The following IFT80 variants were observed in gnomAD, a reference collection of about 807,000 sequenced individuals.
IFT80 encodes intraflagellar transport 80, also known as intraflagellar transport protein 80 homolog.
In IFT80, 79 loss-of-function variants were observed where a neutral mutation model predicts 107.9. The observed-to-expected ratio is 0.73, with a 90% CI of 0.61 to 0.88. The LOEUF is 0.88. Ranked by LOEUF, IFT80 falls within the 40% of genes least tolerant of loss-of-function variation. IFT80 has a pLI of 0.00. For missense variants in IFT80, 797 were observed against 914.2 expected (o/e 0.87, Z 1.65); for synonymous variants, 299 against 300.9 (o/e 0.99, Z 0.07).
chr3:160,363,265 T>C (rs1721629425), intron 6 of IFT80, among the ~76,000 whole-genome samples: 2 of 152,212 alleles, frequency 1.3e-5, no homozygotes, highest in African/African-American at 2.4e-5. Flanking sequence ...CCATTCACAA[T>C]TGCTACACAG....
In IFT80 at chr3:160,321,423, G is replaced by A. The variant is rs147582596; in HGVS notation, c.778-1484C>T. Among the ~76,000 whole-genome samples, 72 of 151,992 alleles carry A rather than the reference G, an allele frequency of 4.7e-4. 1 individual carries two copies. In the East Asian group the frequency reaches 0.013, roughly 27 times the overall value. The stretch of plus-strand genomic sequence containing the variant: ...TTTCTAAATCTAGTCTATCCTCATG[G>A]TGTAGAAGAAACAGAGATCTTAGTT... On this transcript the variant is annotated intron_variant, in intron 8 of 19. Transcript: ENST00000326448.
In IFT80 at chr3:160,328,393, C is replaced by T. The variant is rs140569299; in HGVS notation, c.778-8454G>A. Among the ~76,000 whole-genome samples the T allele has an allele frequency of 3.7e-3, 484 of 129,590 alleles. 1 individual carries two copies. The highest frequency in any genetic ancestry group is 5.5e-3 in the Non-Finnish European group (352 of 64,406). 85.0% of individuals were successfully genotyped at this position (129,590 alleles called of 152,430 possible). On this transcript the variant is annotated intron_variant, in intron 8 of 19. Coordinates refer to ENST00000326448, the MANE Select transcript of IFT80 (RefSeq NM_020800.3). ...AGGAGAATCACTTGAACCCACAAGG[C>T]GGAGGTTGCAGTGAGCAGAGATCGT...
intron 5 of IFT80, among the ~76,000 whole-genome samples, chr3:160,368,189 T>A (rs1251373596): frequency 6.6e-6 from 1 of 151,858 alleles, no homozygotes; most frequent in African/African-American, 2.4e-5. Flanking sequence ...CAACTGATGA[T>A]ATAATCAATA....
intron 8 of IFT80, among the ~76,000 whole-genome samples, chr3:160,346,391 T>C (rs975275830): frequency 3.9e-5 from 6 of 152,164 alleles, no homozygotes; most frequent in African/African-American, 1.4e-4. Flanking sequence ...TATTTGTCAA[T>C]TAACAATAAA....
intron 6 of IFT80, among the ~76,000 whole-genome samples, chr3:160,363,419 C>T (rs1576873511): frequency 1.3e-5 from 2 of 152,070 alleles, no homozygotes; most frequent in Non-Finnish European, 2.9e-5. Context: ...GAATCAGTAT[C>T]GTGAAAATGG....
intron 15 of IFT80, 33 bp downstream of exon 15, chr3:160,280,634 T>C: frequency 6.3e-7 from 1 of 1,580,106 alleles, no homozygotes; most frequent in Non-Finnish European, 8.7e-7. Flanking sequence ...TTTTATTTAC[T>C]ACAAAACAGA....
At position 160,358,323 on chromosome 3, in the gene IFT80, AT is replaced by A. The variant is rs886892149; in HGVS notation, c.550-746del. On this transcript the variant is annotated intron_variant, in intron 6 of 19. Transcript: ENST00000326448. ...CCACCATGTTCAGCCCCCCTCAACC[AT>A]TTTTTTTTTAAACTTCTGCACAAAC... Among the ~76,000 whole-genome samples, 982 of 147,068 alleles carry A rather than the reference AT, an allele frequency of 6.7e-3. 15 individuals carry two copies. The highest frequency in any genetic ancestry group is 0.023 in the African/African-American group (934 of 40,094).
At chr3:160,357,944 T>C (rs910159147) in intron 6 of IFT80, among the ~76,000 whole-genome samples, 6 of 152,202 alleles carry the variant, frequency 3.9e-5, no homozygotes, top group African/African-American at 1.4e-4. Context: ...AATCTTGCTT[T>C]CTCCTTCATA....
chr3:160,353,703 T>G (rs1559956357), intron 8 of IFT80, among the ~76,000 whole-genome samples: 1 of 152,192 alleles, frequency 6.6e-6, no homozygotes, highest in Non-Finnish European at 1.5e-5. Context: ...AGTGCTTGTA[T>G]AAAAAACTTC....
At chr3:160,380,776 T>C (rs1712420845) in intron 3 of IFT80, among the ~76,000 whole-genome samples, 1 of 152,172 alleles carries the variant, frequency 6.6e-6, no homozygotes, top group African/African-American at 2.4e-5. Flanking sequence ...TCTTCAACTC[T>C]GTAACTGAAA....
chr3:160,264,051 C>G (rs1396873887), intron 19 of IFT80, among the ~76,000 whole-genome samples: 1 of 152,144 alleles, frequency 6.6e-6, no homozygotes, highest in African/African-American at 2.4e-5. Context: ...ATCCTCCCAC[C>G]TTAGCCTCCC....
chr3:160,272,448 T>C (rs566559220), intron 18 of IFT80, among the ~76,000 whole-genome samples: 24 of 152,278 alleles, frequency 1.6e-4, no homozygotes, highest in African/African-American at 5.5e-4. Flanking sequence ...AAATTGATCA[T>C]TGTCGAAGTG....
chr3:160,295,925 T>C (rs1476684850), intron 12 of IFT80, among the ~76,000 whole-genome samples: 1 of 152,196 alleles, frequency 6.6e-6, no homozygotes, highest in Non-Finnish European at 1.5e-5. Flanking sequence ...TGATTCCACC[T>C]ATATGAGGTA....
intron 5 of IFT80, among the ~76,000 whole-genome samples, chr3:160,375,497 TA>T (rs1553765911): frequency 6.6e-6 from 1 of 152,134 alleles, no homozygotes; most frequent in Non-Finnish European, 1.5e-5. Flanking sequence ...CAATTCTATA[TA>T]AGATATGCTT....
At chr3:160,309,117 T>C (rs1717035965) in intron 9 of IFT80, among the ~76,000 whole-genome samples, 1 of 152,224 alleles carries the variant, frequency 6.6e-6, no homozygotes. Flanking sequence ...ATGTTATGTC[T>C]TTTTACTATC....
At chr3:160,301,229 T>C (rs1406978193) in intron 11 of IFT80, among the ~76,000 whole-genome samples, 183 bp from the exon 12 acceptor site, 2 of 151,974 alleles carry the variant, frequency 1.3e-5, no homozygotes, top group Admixed American at 1.3e-4. Context: ...TTTTGGTTTG[T>C]TTTCTGGGTT....
At chr3:160,374,901 T>C (rs1285351139) in intron 5 of IFT80, among the ~76,000 whole-genome samples, 2 of 152,204 alleles carry the variant, frequency 1.3e-5, no homozygotes, top group Non-Finnish European at 2.9e-5. Flanking sequence ...AGATTATCTG[T>C]AGCAAACATT....
At chr3:160,362,451 C>G (rs1224963190) in intron 6 of IFT80, among the ~76,000 whole-genome samples, 1 of 152,188 alleles carries the variant, frequency 6.6e-6, no homozygotes, top group Non-Finnish European at 1.5e-5. Context: ...CAAAGAGGAG[C>G]TGGAACCATT....
intron 1 of IFT80, among the ~76,000 whole-genome samples, chr3:160,397,722 T>TA (rs937998880): frequency 7.0e-6 from 1 of 142,754 alleles, no homozygotes; most frequent in African/African-American, 2.8e-5. Flanking sequence ...TATACTTTTT[T>TA]TTTTTTTTTT....
Sources: allele counts gnomAD v4.1 joint callset (sites outside exome capture counted in the v4.1 genomes callset), GRCh38; gene constraint gnomAD v4.1.1; transcripts MANE v1.5; gene names NCBI Gene and HGNC (gene_info 2026-07-23, HGNC 2026-07-21).